Variants in PRPF8 observed in about 807,000 individuals in gnomAD.
The protein encoded by PRPF8 is pre-mRNA-processing-splicing factor 8.
PRPF8 carries 64 observed loss-of-function variants against 285.9 expected under a neutral mutation model. That is an observed-to-expected ratio of 0.22 (90% confidence interval 0.18 to 0.28). PRPF8 has a LOEUF of 0.28. Among genes scored for constraint, PRPF8 ranks in the 10% least tolerant of loss-of-function variants. The pLI, the probability that PRPF8 is intolerant of heterozygous loss-of-function variation, is 1.00. For synonymous variants in PRPF8, 1,325 were observed against 1,118.2 expected (o/e 1.18, Z -3.69); for missense variants, 1,426 against 3,026.7 (o/e 0.47, Z 12.41).
Position 1,678,849 on chromosome 17 carries a change from G to A in PRPF8, c.1632C>T (p.Phe544=). 6.2e-7 allele frequency: 1 copy of A among 1,614,146 alleles called. No homozygotes were observed. The highest frequency in any genetic ancestry group is 8.5e-7 in the Non-Finnish European group (1 of 1,180,024). The change falls in exon 12 of 43, where the codon TTC becomes TTT. Residue 544 remains phenylalanine (F), a synonymous_variant. Transcript: ENST00000304992. ...ERKKSRFGNA[F]HLCREVLRLT... ...AACGCAGAACTTCCCGACACAGGTG[G>A]AAAGCATTCCCAAAACGAGATTTCT... is the stretch of plus-strand genomic sequence containing the variant.
At position 1,673,915 on chromosome 17, in the gene PRPF8, C is replaced by G; in HGVS notation, c.3300-23G>C. On this transcript the variant is annotated intron_variant, in intron 21 of 42. Transcript: ENST00000304992. This position sits in a 1 kb window ranked among gnomAD's most constrained non-coding sequence, Gnocchi z 5.5. ...AACCTACACCAGACCAGGTACACTG[C>G]TGAGGCCCCAGTACACTGAGATTTG... The G allele has an allele frequency of 3.7e-6, 6 of 1,609,950 alleles. No homozygotes were observed. The highest frequency in any genetic ancestry group is 3.4e-6 in the Non-Finnish European group (4 of 1,179,998).
Position 1,662,121 on chromosome 17 carries a change from G to A in PRPF8, c.3807C>T (p.Gly1269=). 6.2e-7 allele frequency: 1 copy of A among 1,614,128 alleles called. No individual in the cohort carries two copies. The highest frequency in any genetic ancestry group is 8.5e-7 in the Non-Finnish European group (1 of 1,180,012). The part of the protein sequence containing the change: ...IVNKWNTALI[G]LMTYFREAVV... The stretch of plus-strand genomic sequence containing the variant: ...CAGCCTCCCGAAAGTATGTCATAAG[G>A]CCAATGAGAGCTGTATTCCACTTAT... Residue 1269 remains glycine, a synonymous_variant, in exon 25 of 43, where the codon GGC becomes GGT. Coordinates refer to ENST00000304992, the MANE Select transcript of PRPF8 (RefSeq NM_006445.4).
chr17:1,683,294 C>T, intron 3 of PRPF8: 1 of 584,954 alleles, frequency 1.7e-6, no homozygotes, highest in Non-Finnish European at 3.0e-6. Context: ...CGCGCCTGGC[C>T]AGGGACATCT....
In PRPF8 at chr17:1,675,477, T is replaced by C; in HGVS notation, c.2873-138A>G. 2.1e-6 allele frequency: 3 copies of C among 1,446,522 alleles called. No homozygotes were observed. The highest frequency in any genetic ancestry group is 9.7e-7 in the Non-Finnish European group (1 of 1,032,582). The allele number at this position is 1,446,522 out of a possible 1,614,324, so 89.6% of individuals were successfully genotyped here. A position where few individuals can be genotyped will look rare whatever the true frequency, so the allele number is the denominator to read the frequency against. Reference sequence around the variant, plus strand: ...ATTTGGATTGCTTTGACTATGGGCTTTTCCTCAGTTTAACACGAACACTAC... The same window carrying C: ...ATTTGGATTGCTTTGACTATGGGCTCTTCCTCAGTTTAACACGAACACTAC... On this transcript the variant is annotated intron_variant, in intron 19 of 42. Coordinates refer to ENST00000304992, the MANE Select transcript of PRPF8 (RefSeq NM_006445.4). This position sits in a 1 kb window ranked among gnomAD's most constrained non-coding sequence, Gnocchi z 6.0.
At chr17:1,668,710 A>G (rs1167407500) in intron 24 of PRPF8, among the ~76,000 whole-genome samples, 1 of 151,726 alleles carries the variant, frequency 6.6e-6, no homozygotes, top group Non-Finnish European at 1.5e-5. Flanking sequence ...ACCACTCTAC[A>G]ACTGTCTTCT....
Position 1,673,011 on chromosome 17 carries a change from G to T in PRPF8, c.3774+70C>A. The T allele has an allele frequency of 7.1e-7, 1 of 1,412,032 alleles. No individual in the cohort carries two copies. Among genetic ancestry groups the T allele is most frequent in the Non-Finnish European group, 1.0e-6 (1 of 995,772 alleles). The allele number at this position is 1,412,032 out of a possible 1,614,324, so 87.5% of individuals were successfully genotyped here. A position where few individuals can be genotyped will look rare whatever the true frequency, so the allele number is the denominator to read the frequency against. On this transcript the variant is annotated intron_variant, in intron 24 of 42. Transcript: ENST00000304992. The surrounding 1 kb of genome is among the most constrained non-coding windows in gnomAD (Gnocchi z 5.5). ...AAGGAAGCAGCCAGCAGGGGACGAA[G>T]TGAAAGGGGTGTGAAATGAGCAGAG...
chr17:1,676,621 G>T lies in PRPF8; in HGVS notation c.2272C>A (p.Arg758=). 6.2e-7 allele frequency: 1 copy of T among 1,614,190 alleles called. No homozygotes were observed. Among genetic ancestry groups the T allele is most frequent in the Non-Finnish European group, 8.5e-7 (1 of 1,180,042 alleles). Residue 758 remains arginine, a synonymous_variant, in exon 16 of 43, where the codon CGA becomes AGA. Transcript: ENST00000304992. The surrounding 1 kb of genome is among the most constrained non-coding windows in gnomAD (Gnocchi z 6.3). ...GTGGCCCCTCGGCGGATCCGTTCTC[G>T]GTTGTAGTGGGCAGTGTTGGTCCAC... is the stretch of plus-strand genomic sequence containing the variant. ...DWWTNTAHYN[R]ERIRRGATVD...
intron 28 of PRPF8, 30 bp downstream of exon 28, chr17:1,660,963 C>T (rs1252521032): frequency 1.2e-6 from 2 of 1,613,130 alleles, no homozygotes; most frequent in Non-Finnish European, 1.7e-6. Context: ...AGGGTTGTGA[C>T]AGGTCCCTCT....
intron 37 of PRPF8, 26 bp downstream of exon 37, chr17:1,655,320 CCTGT>C (rs759256178): frequency 2.9e-5 from 47 of 1,611,752 alleles, no homozygotes; most frequent in African/African-American, 2.3e-4. Context: ...ATATAGACCT[CCTGT>C]CTGTGTCCCC....
At chr17:1,663,596 T>C (rs1300415851) in intron 24 of PRPF8, among the ~76,000 whole-genome samples, 1 of 150,622 alleles carries the variant, frequency 6.6e-6, no homozygotes, top group African/African-American at 2.4e-5. Context: ...GTAGTCTCAG[T>C]TTCTTGGGAG....
Position 1,650,942 on chromosome 17 carries a change from G to A in PRPF8, c.6868C>T (p.Pro2290Ser). 6.2e-7 allele frequency: 1 copy of A among 1,614,206 alleles called. No homozygotes were observed. Among genetic ancestry groups the A allele is most frequent in the Non-Finnish European group, 8.5e-7 (1 of 1,180,036 alleles). Residue 2290 changes from proline to serine, a missense_variant, in exon 43 of 43, where the codon CCC becomes TCC. This residue lies in a region of PRPF8 where 59 missense variants were observed against 58.6 expected (regional missense o/e 1.01). Transcript: ENST00000304992. ...AGCTGTAGCTCATATTTCATGTTGG[G>A]GTCATGCCGAACACCTTCGGGGAGA... ...NYNFMGVRHD[P>S]NMKYELQLAN...
chr17:1,655,471 G>C lies in PRPF8; in HGVS notation c.5866C>G (p.Pro1956Ala), dbSNP rs781778715. Residue 1956 changes from proline to alanine, a missense_variant, in exon 37 of 43, where the codon CCA becomes GCA. Transcript: ENST00000304992. ...GGTTCTGTAATAGTAGTCTTGTCTG[G>C]CTTCAGGATCACTTTTGCCCGATCG... Reference protein sequence around the residue: ...NNDRAKVILKPDKTTITEPHH... With the variant: ...NNDRAKVILKADKTTITEPHH... 11 of 1,613,944 alleles carry C rather than the reference G, an allele frequency of 6.8e-6. No homozygotes were observed. The highest frequency in any genetic ancestry group is 9.3e-6 in the Non-Finnish European group (11 of 1,180,010).
chr17:1,652,257 G>C (rs1911120268), intron 39 of PRPF8: 1 of 299,496 alleles, frequency 3.3e-6, no homozygotes, highest in Non-Finnish European at 6.5e-6. Context: ...TAGTGGGTTT[G>C]AGATGGAGTC....
At chr17:1,656,926 A>G (rs370343713) in intron 34 of PRPF8, among the ~76,000 whole-genome samples, 165 bp from the exon 35 acceptor site, 24 of 152,356 alleles carry the variant, frequency 1.6e-4, no homozygotes, top group African/African-American at 5.8e-4. Context: ...GCCGTGTCCA[A>G]TGACCAGGCT....
At chr17:1,664,263 G>A (rs1450998050) in intron 24 of PRPF8, among the ~76,000 whole-genome samples, 2 of 152,064 alleles carry the variant, frequency 1.3e-5, no homozygotes, top group Admixed American at 1.3e-4. Context: ...GAACTCCTGT[G>A]CTCAAGCAAT....
At chr17:1,660,317 G>C (rs879250876) in intron 30 of PRPF8, 115 bp downstream of exon 30, 54 of 1,538,248 alleles carry the variant, frequency 3.5e-5, no homozygotes, top group Non-Finnish European at 4.8e-5. Context: ...AGCTGACTCT[G>C]TACAGTACCC....
intron 2 of PRPF8, 32 bp from the exon 3 acceptor site, chr17:1,683,733 C>T (rs1002472183): frequency 1.9e-6 from 3 of 1,612,206 alleles, no homozygotes; most frequent in Non-Finnish European, 2.5e-6. Context: ...AAGGCCTGCA[C>T]ACCCTCCCCC....
In PRPF8 at chr17:1,651,625, C is replaced by T. The variant is rs1333671349; in HGVS notation, c.6510+23G>A. ...AATCGCACCAGCTTTTCCACACTCC[C>T]AGGCTCCATCACTCCCCATTACCTT... On this transcript the variant is annotated intron_variant, in intron 40 of 42. Coordinates refer to ENST00000304992, the MANE Select transcript of PRPF8 (RefSeq NM_006445.4). The surrounding 1 kb of genome is among the most constrained non-coding windows in gnomAD (Gnocchi z 5.1). 3 of 1,614,146 alleles carry T rather than the reference C, an allele frequency of 1.9e-6. No homozygotes were observed. The highest frequency in any genetic ancestry group is 1.7e-5 in the Admixed American group (1 of 60,018).
In PRPF8 at chr17:1,653,760, C is replaced by T. The variant is rs749849045; in HGVS notation, c.6227+17G>A. On this transcript the variant is annotated intron_variant, in intron 38 of 42. Coordinates refer to ENST00000304992, the MANE Select transcript of PRPF8 (RefSeq NM_006445.4). The surrounding 1 kb of genome is among the most constrained non-coding windows in gnomAD (Gnocchi z 4.9). ...TGCAGCCGGCCTTTCCATCCCCACC[C>T]TCTTGCCCGACAGTACCTGACCCTC... is the stretch of plus-strand genomic sequence containing the variant. 8.1e-6 allele frequency: 13 copies of T among 1,614,054 alleles called. No homozygotes were observed. In the Admixed American group the frequency reaches 1.2e-4, roughly 14 times the overall value.
Sources: allele counts gnomAD v4.1 joint callset (sites outside exome capture counted in the v4.1 genomes callset), GRCh38; gene constraint gnomAD v4.1.1; regional missense constraint gnomAD v4.1.1; non-coding constraint Gnocchi (gnomAD v3.1); transcripts MANE v1.5; gene names NCBI Gene and HGNC (gene_info 2026-07-23, HGNC 2026-07-21).